The following TMCO5A variants were observed in gnomAD, a reference collection of about 807,000 sequenced individuals.
TMCO5A encodes transmembrane and coiled-coil domain-containing protein 5A.
Under a neutral mutation model 42.3 loss-of-function variants are expected in TMCO5A, and 34 were observed. That is an observed-to-expected ratio of 0.80 (90% CI 0.61 to 1.07). The LOEUF (loss-of-function observed/expected upper bound fraction) is 1.07, where lower values mean the gene tolerates loss of function less well. Ranked by LOEUF, TMCO5A falls within the 50% of genes least tolerant of loss-of-function variation. The pLI, the probability that TMCO5A is intolerant of heterozygous loss-of-function variation, is 0.00. For synonymous variants in TMCO5A, 131 were observed against 115.6 expected (o/e 1.13, Z -0.86); for missense variants, 357 against 327.9 (o/e 1.09, Z -0.69).
chr15:37,968,844 G>A (rs1890618624), downstream of TMCO5A, among the ~76,000 whole-genome samples: 4 of 151,990 alleles, frequency 2.6e-5, no homozygotes, highest in African/African-American at 9.7e-5. Context: ...GCCTCCCAAA[G>A]TGCTGGAATT....
At position 37,957,843 on chromosome 15, in the gene TMCO5A, C is replaced by A. The variant is rs573278692; in HGVS notation, c.669-8782C>A. 1.9e-4 allele frequency among the ~76,000 whole-genome samples: 29 copies of A among 152,274 alleles called. 1 individual carries two copies. The East Asian group carries it at 4.8e-3, about 25-fold the overall frequency. On this transcript the variant is annotated intron_variant, in intron 11 of 11. Transcript: ENST00000559502. Reference sequence around the variant, plus strand: ...TTGTACTACCTGACTTCAAACTATACTACAAGGCTACAGTAACCAAAACAG... The same window carrying A: ...TTGTACTACCTGACTTCAAACTATAATACAAGGCTACAGTAACCAAAACAG...
the TMCO5A span, among the ~76,000 whole-genome samples, chr15:38,004,200 T>C: frequency 4.6e-5 from 7 of 152,078 alleles, no homozygotes; most frequent in African/African-American, 1.7e-4. Flanking sequence ...AGAAATGTCA[T>C]CTGTGAGCTA....
At chr15:38,040,266 T>A in the TMCO5A span, 1 of 152,156 alleles carries the variant, frequency 6.6e-6, no homozygotes, top group Non-Finnish European at 1.5e-5. Flanking sequence ...GCTGGGACAA[T>A]GGGGATACTT....
chr15:37,987,392 A>G, the TMCO5A span, among the ~76,000 whole-genome samples: 1 of 151,904 alleles, frequency 6.6e-6, no homozygotes, highest in African/African-American at 2.4e-5. Context: ...TTTAATTTTT[A>G]TGAAGATCAA....
chr15:38,014,853 T>TTTTATATATATATATA, the TMCO5A span, among the ~76,000 whole-genome samples: 1 of 54,664 alleles, frequency 1.8e-5, no homozygotes, highest in African/African-American at 7.7e-5. Flanking sequence ...AGGAGAAAGA[T>TTTTATATATATATATA]TATATATATA....
At chr15:37,949,749 T>A (rs1253940721) in intron 11 of TMCO5A, among the ~76,000 whole-genome samples, 1 of 152,162 alleles carries the variant, frequency 6.6e-6, no homozygotes, top group African/African-American at 2.4e-5. Context: ...TGTATTATTT[T>A]CTATGCTACA....
At chr15:38,016,751 C>T in the TMCO5A span, among the ~76,000 whole-genome samples, 1 of 152,166 alleles carries the variant, frequency 6.6e-6, no homozygotes. Flanking sequence ...ACCCTATAAT[C>T]CTCCCTTTCT....
the TMCO5A span, among the ~76,000 whole-genome samples, chr15:37,991,307 T>C: frequency 7.2e-5 from 11 of 152,106 alleles, no homozygotes; most frequent in Admixed American, 1.3e-4. Flanking sequence ...TGTCTAGTGG[T>C]AATGAATTAT....
the TMCO5A span, among the ~76,000 whole-genome samples, chr15:37,994,946 T>C: frequency 6.6e-6 from 1 of 152,194 alleles, no homozygotes; most frequent in Admixed American, 6.5e-5. Flanking sequence ...CCCAGATTTC[T>C]ACAATTTCAG....
chr15:37,938,378 C>A (rs770242644), intron 6 of TMCO5A, 149 bp downstream of exon 6: 20 of 651,800 alleles, frequency 3.1e-5, no homozygotes, highest in Non-Finnish European at 4.8e-5. Context: ...GTGCTGAATT[C>A]TTCTCTGCCC....
At chr15:38,004,407 G>T in the TMCO5A span, among the ~76,000 whole-genome samples, 5 of 152,232 alleles carry the variant, frequency 3.3e-5, no homozygotes, top group South Asian at 1.0e-3. Flanking sequence ...GGTCATGTGT[G>T]CCCCAAGTCC....
chr15:37,977,925 G>A, the TMCO5A span, among the ~76,000 whole-genome samples: 57 of 152,344 alleles, frequency 3.7e-4, no homozygotes, highest in African/African-American at 1.3e-3. Context: ...GAACTCATGC[G>A]GAAGACAGAC....
chr15:38,033,824 G>A, the TMCO5A span, among the ~76,000 whole-genome samples: 1 of 152,000 alleles, frequency 6.6e-6, no homozygotes, highest in Admixed American at 6.6e-5. Flanking sequence ...ATGTTAGCCA[G>A]GCTGGTCTCA....
chr15:37,950,217 A>G (rs1890110865), intron 11 of TMCO5A, among the ~76,000 whole-genome samples: 1 of 152,232 alleles, frequency 6.6e-6, no homozygotes, highest in African/African-American at 2.4e-5. Flanking sequence ...AAGGAGGAGT[A>G]ACAAAGAATC....
At chr15:37,936,245 C>A in intron 2 of TMCO5A, 69 bp from the exon 3 acceptor site, 2 of 1,535,506 alleles carry the variant, frequency 1.3e-6, no homozygotes, top group East Asian at 2.3e-5. Context: ...TCTAAATACC[C>A]TTTTTGGCCT....
intron 11 of TMCO5A, among the ~76,000 whole-genome samples, chr15:37,966,360 C>T (rs892760617): frequency 3.3e-5 from 5 of 151,894 alleles, no homozygotes; most frequent in African/African-American, 1.2e-4. Context: ...TTTAATTATA[C>T]ATTTTTGAAT....
chr15:37,955,536 A>G (rs1358984564), downstream of TMCO5A, among the ~76,000 whole-genome samples: 1 of 152,200 alleles, frequency 6.6e-6, no homozygotes, highest in African/African-American at 2.4e-5. Flanking sequence ...ATGCAACATG[A>G]AAAGCTAAAT....
chr15:37,946,132 C>T (rs1323993521), intron 10 of TMCO5A, among the ~76,000 whole-genome samples: 1 of 152,102 alleles, frequency 6.6e-6, no homozygotes, highest in Non-Finnish European at 1.5e-5. Context: ...GGAGTCCTTT[C>T]CCCATTGTTT....
the TMCO5A span, among the ~76,000 whole-genome samples, chr15:38,025,399 T>G: frequency 1.1e-4 from 16 of 152,232 alleles, no homozygotes; most frequent in African/African-American, 3.4e-4. Flanking sequence ...AAGACAACTC[T>G]GGGACCTCAC....
Sources: gnomAD v4.1 joint callset for allele counts (sites outside exome capture counted in the v4.1 genomes callset) on GRCh38, gnomAD v4.1.1 for gene constraint, MANE v1.5 for transcripts, NCBI Gene and HGNC (gene_info 2026-07-23, HGNC 2026-07-21) for gene names.